HIPK1: variants seen among roughly 807,000 people sequenced by gnomAD.
HIPK1 encodes homeodomain-interacting protein kinase 1.
A neutral mutation model predicts 117.1 loss-of-function variants in HIPK1; 28 were observed. The ratio of observed to expected loss-of-function variants is 0.24; its 90% CI spans 0.18 to 0.33. HIPK1 has a LOEUF of 0.33. Ranked by LOEUF, HIPK1 falls within the 10% of genes least tolerant of loss-of-function variation. The probability of loss-of-function intolerance (pLI) is 1.00; values close to 1 mark genes in which losing one functional copy is unlikely to be tolerated. For synonymous variants in HIPK1, 605 were observed against 562.5 expected (o/e 1.08, Z -1.07); for missense variants, 1,122 against 1,475.1 (o/e 0.76, Z 3.92).
At chr1:113,929,601 C>A (rs1669693207) in intron 1 of HIPK1, 69 bp downstream of exon 1, 5 of 1,172,854 alleles carry the variant, frequency 4.3e-6, no homozygotes, top group Non-Finnish European at 1.1e-6. Flanking sequence ...GAGGGACGGC[C>A]GCTCGGCATT....
In HIPK1 at chr1:113,973,625, C is replaced by G; in HGVS notation, c.*113C>G. ...CCTCTTGAAATTTCTTAGCCAGCAA[C>G]TTGTTCTGCAGGGGCCCACTGAAGC... On this transcript the variant is annotated 3_prime_UTR_variant, in exon 16 of 16. Transcript: ENST00000426820. 1.5e-6 allele frequency: 2 copies of G among 1,310,736 alleles called. No individual in the cohort carries two copies. The highest frequency in any genetic ancestry group is 2.1e-6 in the Non-Finnish European group (2 of 973,674). 81.2% of individuals were successfully genotyped at this position (1,310,736 alleles called of 1,614,324 possible). A position where few individuals can be genotyped will look rare whatever the true frequency, so the allele number is the denominator to read the frequency against.
Position 113,973,591 on chromosome 1 carries a change from C to T in HIPK1, c.*79C>T. 1 of 1,456,466 alleles carries T rather than the reference C, an allele frequency of 6.9e-7. No homozygotes were observed. The highest frequency in any genetic ancestry group is 9.2e-7 in the Non-Finnish European group (1 of 1,092,562). The allele number at this position is 1,456,466 out of a possible 1,614,324, so 90.2% of individuals were successfully genotyped here. A position where few individuals can be genotyped will look rare whatever the true frequency, so the allele number is the denominator to read the frequency against. Reference sequence around the variant, plus strand: ...CTTAATATTGGGCTATGGAGAGATCCTCCTTTACCCTCTTGAAATTTCTTA... The same window carrying T: ...CTTAATATTGGGCTATGGAGAGATCTTCCTTTACCCTCTTGAAATTTCTTA... On this transcript the variant is annotated 3_prime_UTR_variant, in exon 16 of 16. Transcript: ENST00000426820.
chr1:113,959,471 C>T lies in HIPK1; in HGVS notation c.1981+1180C>T, dbSNP rs185695965. 7.2e-5 allele frequency among the ~76,000 whole-genome samples: 11 copies of T among 152,268 alleles called. No individual in the cohort carries two copies. In the East Asian group the frequency reaches 1.9e-3, roughly 27 times the overall value. ...TAGTAAATTCTGTAGTTGGGATTGT[C>T]GTATGTTGAGTGATTCTTCCACAGA... is the stretch of plus-strand genomic sequence containing the variant. On this transcript the variant is annotated intron_variant, in intron 8 of 15. Coordinates refer to ENST00000426820, the MANE Select transcript of HIPK1 (RefSeq NM_198268.3).
chr1:113,961,810 G>A (rs1308246829), intron 8 of HIPK1, among the ~76,000 whole-genome samples: 1 of 151,862 alleles, frequency 6.6e-6, no homozygotes, highest in African/African-American at 2.4e-5. Context: ...CGGGCGTGGT[G>A]GCGCACTCCT....
rs888764086 is a variant in HIPK1, at chr1:113,971,917, G to A, written c.3107G>A (p.Gly1036Glu). The A allele has an allele frequency of 2.4e-5, 38 of 1,608,298 alleles. No individual in the cohort carries two copies. The highest frequency in any genetic ancestry group is 2.8e-5 in the Non-Finnish European group (33 of 1,177,676). ...ITPTGYRAQR[G>E]GTSAAQPLNL... The stretch of plus-strand genomic sequence containing the variant: ...CCCACAGGGTATCGAGCTCAACGCG[G>A]GGGGACCAGTGCAGCACAACCACTC... Residue 1036 changes from glycine (G) to glutamate (E), a missense_variant, in exon 15 of 16, where the codon GGG becomes GAG. By Grantham distance (98) the Gly-to-Glu change is moderately conservative. Transcript: ENST00000426820.
At chr1:113,934,274 A>G (rs1317976614) in intron 1 of HIPK1, among the ~76,000 whole-genome samples, 1 of 152,224 alleles carries the variant, frequency 6.6e-6, no homozygotes, top group Non-Finnish European at 1.5e-5. Context: ...GGACAAATCA[A>G]TGGAAAATGA....
At chr1:113,952,952 GA>G in intron 3 of HIPK1, 63 bp downstream of exon 3, 1 of 1,380,412 alleles carries the variant, frequency 7.2e-7, no homozygotes, top group Non-Finnish European at 9.5e-7. Context: ...AGATTCTGGA[GA>G]AAGAGAAGTA....
At chr1:113,965,591 C>A (rs1672391960) in intron 10 of HIPK1, among the ~76,000 whole-genome samples, 1 of 152,066 alleles carries the variant, frequency 6.6e-6, no homozygotes, top group Non-Finnish European at 1.5e-5. Flanking sequence ...AAGATTTTTT[C>A]CCCAAAAGGA....
At chr1:113,930,585 C>A (rs1357871172) in intron 1 of HIPK1, 2 of 152,410 alleles carry the variant, frequency 1.3e-5, no homozygotes, top group Admixed American at 6.5e-5. Context: ...GTTAAAAAAA[C>A]AAAAGGGAGG....
At chr1:113,949,708 C>T (rs563967934) in intron 2 of HIPK1, among the ~76,000 whole-genome samples, 1 of 151,510 alleles carries the variant, frequency 6.6e-6, no homozygotes, top group African/African-American at 2.4e-5. Flanking sequence ...AAGCAATTCT[C>T]CTGCCTCAGC....
At chr1:113,957,459 C>G (rs1275022869) in intron 7 of HIPK1, among the ~76,000 whole-genome samples, 173 bp downstream of exon 7, 1 of 152,190 alleles carries the variant, frequency 6.6e-6, no homozygotes, top group Admixed American at 6.5e-5. Flanking sequence ...TTACCAGGCA[C>G]AGGCTAACTA....
intron 14 of HIPK1, among the ~76,000 whole-genome samples, chr1:113,971,192 AAGAG>A (rs531477639): frequency 6.6e-6 from 1 of 152,230 alleles, no homozygotes; most frequent in Non-Finnish European, 1.5e-5. Flanking sequence ...CATTGCAGAC[AAGAG>A]AGAGAGCTTC....
rs1294809882 is a variant in HIPK1, at chr1:113,971,842, C to G, written c.3032C>G (p.Thr1011Ser). 5 of 1,598,618 alleles carry G rather than the reference C, an allele frequency of 3.1e-6. No individual in the cohort carries two copies. The Admixed American group carries it at 9.1e-5, about 29-fold the overall frequency. Residue 1011 changes from threonine to serine, a missense_variant, in exon 15 of 16, where the codon ACT becomes AGT. By Grantham distance (58) the Thr-to-Ser change is moderately conservative. Transcript: ENST00000426820. ...TQASGLLSNK[T>S]KPVASVSGQS... The stretch of plus-strand genomic sequence containing the variant: ...TTTTTAGGTCTCCTGAGCAATAAGA[C>G]TAAGCCAGTCGCTTCAGTGAGTGGG...
rs1673110116 is a variant in HIPK1 at position 113,975,832 on chromosome 1, GTACTCTCAGCTCCTGCA to G, written c.*2322_*2338del. 1 of 152,584 alleles carries G rather than the reference GTACTCTCAGCTCCTGCA, an allele frequency of 6.6e-6. No homozygotes were observed. The highest frequency in any genetic ancestry group is 2.4e-5 in the African/African-American group (1 of 41,408). The allele number at this position is 152,584 out of a possible 1,614,324, so 9.5% of individuals were successfully genotyped here. The stretch of plus-strand genomic sequence containing the variant: ...CCCTTCAAGCTGTGAAATTGTCCTT[GTACTCTCAGCTCCTGCA>G]TGGATCTGGGTCAAGTAGAAGGTAC... On this transcript the variant is annotated 3_prime_UTR_variant, in exon 16 of 16. Coordinates refer to ENST00000426820, the MANE Select transcript of HIPK1 (RefSeq NM_198268.3).
Position 113,971,968 on chromosome 1 carries a change from G to C in HIPK1, c.3144+14G>C. The C allele has an allele frequency of 2.5e-6, 4 of 1,612,704 alleles. No homozygotes were observed. Among genetic ancestry groups the C allele is most frequent in the Non-Finnish European group, 3.4e-6 (4 of 1,179,398 alleles). On this transcript the variant is annotated intron_variant, in intron 15 of 15. Coordinates refer to ENST00000426820, the MANE Select transcript of HIPK1 (RefSeq NM_198268.3). ...AATCTTAGCCAGGTAAGTGCTATGG[G>C]CTACTGCCTTCTGTTTGGGCCCTGC...
intron 3 of HIPK1, among the ~76,000 whole-genome samples, chr1:113,953,272 C>T (rs773303315): frequency 1.3e-5 from 2 of 152,126 alleles, no homozygotes; most frequent in Admixed American, 6.5e-5. Flanking sequence ...TTTACTTTTA[C>T]GCATGACACA....
chr1:113,966,403 C>A, intron 11 of HIPK1, 131 bp downstream of exon 11: 1 of 745,320 alleles, frequency 1.3e-6, no homozygotes, highest in Non-Finnish European at 2.1e-6. Flanking sequence ...TTTAAGAACC[C>A]ATATCAGGCT....
At position 113,975,737 on chromosome 1, in the gene HIPK1, A is replaced by G. The variant is rs1354805296; in HGVS notation, c.*2225A>G. 2 of 152,726 alleles carry G rather than the reference A, an allele frequency of 1.3e-5. No individual in the cohort carries two copies. The highest frequency in any genetic ancestry group is 2.9e-5 in the Non-Finnish European group (2 of 68,030). 9.5% of individuals were successfully genotyped at this position (152,726 alleles called of 1,614,324 possible). A position where few individuals can be genotyped will look rare whatever the true frequency, so the allele number is the denominator to read the frequency against. ...TCTTAGCTGGTGAAGAATATAGAGA[A>G]GGAACCAAAGCCTGTTGAGTCATTG... On this transcript the variant is annotated 3_prime_UTR_variant, in exon 16 of 16. Coordinates refer to ENST00000426820, the MANE Select transcript of HIPK1 (RefSeq NM_198268.3).
intron 2 of HIPK1, among the ~76,000 whole-genome samples, chr1:113,951,895 T>C (rs1671385710): frequency 6.6e-6 from 1 of 152,016 alleles, no homozygotes; most frequent in South Asian, 2.1e-4. Context: ...TTTTCTTTTT[T>C]TTTTTTCCAG....
Sources: gnomAD v4.1 joint callset for allele counts (sites outside exome capture counted in the v4.1 genomes callset) on GRCh38, gnomAD v4.1.1 for gene constraint, MANE v1.5 for transcripts, NCBI Gene and HGNC (gene_info 2026-07-23, HGNC 2026-07-21) for gene names.